The following TMEM131 variants were observed in gnomAD, a reference collection of about 807,000 sequenced individuals.
TMEM131 encodes the protein 2610524E03Rik.
TMEM131 carries 66 observed loss-of-function variants against 211.6 expected under a neutral mutation model. The observed-to-expected ratio is 0.31, with a 90% CI of 0.26 to 0.38. The LOEUF is 0.38. TMEM131 is among the 10% of genes least tolerant of loss of function. TMEM131 has a pLI of 1.00. For synonymous variants in TMEM131, 844 were observed against 841.3 expected, an observed-to-expected ratio of 1.00 and a Z score of -0.06; for missense variants, 2,036 against 2,299.3, an observed-to-expected ratio of 0.89 and a Z score of 2.34.
chr2:97,989,877 T>C lies in TMEM131; in HGVS notation c.187+5599A>G, dbSNP rs531191855. ...ATTTGGAACTACAGATGAGAACTAA[T>C]GACCACCTAATTCCAAAATGCCCTA... is the stretch of plus-strand genomic sequence containing the variant. On this transcript the variant is annotated intron_variant, in intron 1 of 40. Transcript: ENST00000186436. 3.3e-5 allele frequency among the ~76,000 whole-genome samples: 5 copies of C among 152,354 alleles called. No individual in the cohort carries two copies. In the South Asian group the frequency reaches 1.0e-3, roughly 32 times the overall value.
chr2:97,911,324 T>C (rs973737656), intron 2 of TMEM131, among the ~76,000 whole-genome samples: 13 of 152,172 alleles, frequency 8.5e-5, no homozygotes, highest in African/African-American at 3.1e-4. Flanking sequence ...GGGGCACAAG[T>C]AGACTTTTAA....
Position 97,888,035 on chromosome 2 carries a change from A to G in TMEM131, c.359+17T>C, listed in dbSNP as rs780344047. 11 of 1,606,774 alleles carry G rather than the reference A, an allele frequency of 6.8e-6. No individual in the cohort carries two copies. In the South Asian group the frequency reaches 1.2e-4, roughly 18 times the overall value. ...ATAGTTTAATGGGAAAGTACAGTCC[A>G]AAAATTTTAAACTTACTGTTCATGG... On this transcript the variant is annotated intron_variant, in intron 4 of 40. Transcript: ENST00000186436.
At chr2:97,929,391 A>G (rs1256054197) in intron 1 of TMEM131, among the ~76,000 whole-genome samples, 1 of 151,730 alleles carries the variant, frequency 6.6e-6, no homozygotes, top group Non-Finnish European at 1.5e-5. Context: ...TCACATGCAG[A>G]ATTTCAACTA....
At chr2:97,803,807 A>C (rs1681153265) in intron 22 of TMEM131, among the ~76,000 whole-genome samples, 1 of 152,126 alleles carries the variant, frequency 6.6e-6, no homozygotes. Flanking sequence ...TTAGCAGCTG[A>C]GCATAGGACA....
rs1172374191 is a variant in TMEM131, at chr2:97,818,463, C to T, written c.1183+150G>A. 20 of 283,880 alleles carry T rather than the reference C, an allele frequency of 7.0e-5. 2 individuals carry two copies. Among genetic ancestry groups the T allele is most frequent in the Middle Eastern group, 9.8e-4 (1 of 1,018 alleles). The allele number at this position is 283,880 out of a possible 1,614,324, so 17.6% of individuals were successfully genotyped here. A position where few individuals can be genotyped will look rare whatever the true frequency, so the allele number is the denominator to read the frequency against. On this transcript the variant is annotated intron_variant, in intron 12 of 40. Coordinates refer to ENST00000186436, the MANE Select transcript of TMEM131 (RefSeq NM_015348.2). ...AGTAAGAGTTCATGATGGTTTACAG[C>T]GGGGGGGGGCGGGGGGGGATCAACC...
At chr2:97,854,675 C>T (rs1219016442) in intron 5 of TMEM131, among the ~76,000 whole-genome samples, 1 of 152,158 alleles carries the variant, frequency 6.6e-6, no homozygotes, top group Non-Finnish European at 1.5e-5. Flanking sequence ...GTTTGTAAGA[C>T]CCTTCATAGT....
intron 5 of TMEM131, among the ~76,000 whole-genome samples, chr2:97,853,435 A>G (rs924208336): frequency 2.9e-5 from 4 of 139,060 alleles, no homozygotes; most frequent in African/African-American, 8.7e-5. Flanking sequence ...TCTCTACTAA[A>G]AAAAAAAAAA....
At chr2:97,942,266 A>G (rs954773393) in intron 1 of TMEM131, among the ~76,000 whole-genome samples, 1 of 144,090 alleles carries the variant, frequency 6.9e-6, no homozygotes, top group African/African-American at 2.6e-5. Context: ...ATAGGTGGGA[A>G]CTGAACAATG....
intron 1 of TMEM131, among the ~76,000 whole-genome samples, chr2:97,935,070 G>A (rs1379929942): frequency 2.0e-5 from 3 of 151,978 alleles, no homozygotes; most frequent in Admixed American, 2.0e-4. Context: ...TTAAGAGTAG[G>A]ACAGGACAAA....
chr2:97,809,651 A>AT, intron 19 of TMEM131, 37 bp downstream of exon 19: 10 of 1,505,822 alleles, frequency 6.6e-6, no homozygotes, highest in Non-Finnish European at 9.2e-6. Flanking sequence ...AAGGCAAAAA[A>AT]CGAGCAATAG....
At chr2:97,831,664 C>CTTTTTTTTTTT (rs11378393) in intron 11 of TMEM131, among the ~76,000 whole-genome samples, 7 of 80,630 alleles carry the variant, frequency 8.7e-5, no homozygotes, top group Admixed American at 1.7e-4. Flanking sequence ...TCACATACCT[C>CTTTTTTTTTTT]TTTTTTTTTT....
At chr2:97,861,909 T>C (rs901391769) in intron 4 of TMEM131, among the ~76,000 whole-genome samples, 24 of 152,020 alleles carry the variant, frequency 1.6e-4, no homozygotes, top group Non-Finnish European at 3.1e-4. Flanking sequence ...GTGGTTACAG[T>C]GGGCCTTGGG....
chr2:97,868,787 G>A (rs1227177404), intron 4 of TMEM131, among the ~76,000 whole-genome samples: 2 of 152,206 alleles, frequency 1.3e-5, no homozygotes, highest in South Asian at 2.1e-4. Context: ...GAGTTAGACA[G>A]TAGAACTCCT....
At chr2:97,902,869 C>T (rs929799562) in intron 3 of TMEM131, among the ~76,000 whole-genome samples, 2 of 152,182 alleles carry the variant, frequency 1.3e-5, no homozygotes, top group Non-Finnish European at 1.5e-5. Flanking sequence ...CATCTTTCTC[C>T]TGTGCTGGAT....
intron 1 of TMEM131, 59 bp downstream of exon 1, chr2:97,995,417 G>A (rs1680455111): frequency 3.1e-6 from 4 of 1,301,006 alleles, no homozygotes; most frequent in Non-Finnish European, 3.9e-6. Context: ...CAGCCCTCCC[G>A]GCCTCCGCGA....
intron 4 of TMEM131, among the ~76,000 whole-genome samples, chr2:97,884,418 T>C (rs1235053040): frequency 6.6e-6 from 1 of 152,224 alleles, no homozygotes; most frequent in African/African-American, 2.4e-5. Flanking sequence ...AAATGTTCTG[T>C]AAATGTCTGT....
intron 3 of TMEM131, among the ~76,000 whole-genome samples, chr2:97,899,981 T>C (rs764909331): frequency 3.9e-5 from 6 of 152,114 alleles, no homozygotes; most frequent in Non-Finnish European, 8.8e-5. Context: ...AAATCCATCA[T>C]AAGTTGAAAA....
chr2:97,794,391 T>C (rs1364776841), intron 29 of TMEM131, among the ~76,000 whole-genome samples: 2 of 152,168 alleles, frequency 1.3e-5, no homozygotes, highest in African/African-American at 4.8e-5. Context: ...ATGGAGGCAA[T>C]AATTATGTGT....
rs1476922713 is a variant in TMEM131, at chr2:97,814,156, A to G, written c.1447-15T>C. ...AAGTTGTGAACCTGAGAAATGACAG[A>G]AGAGAAAAAAAACAAAGTGTCAGCA... On this transcript the variant is annotated splice_polypyrimidine_tract_variant and intron_variant, in intron 14 of 40. Transcript: ENST00000186436. 1.2e-6 allele frequency: 2 copies of G among 1,612,298 alleles called. No individual in the cohort carries two copies. The highest frequency in any genetic ancestry group is 1.7e-6 in the Non-Finnish European group (2 of 1,179,072).
Sources: allele counts gnomAD v4.1 joint callset (sites outside exome capture counted in the v4.1 genomes callset), GRCh38; gene constraint gnomAD v4.1.1; transcripts MANE v1.5; gene names NCBI Gene and HGNC (gene_info 2026-07-23, HGNC 2026-07-21).